The following SLC39A11 variants were observed in gnomAD, a reference collection of about 807,000 sequenced individuals.
SLC39A11 encodes the protein zinc transporter ZIP11.
In SLC39A11, 33 loss-of-function variants were observed where a neutral mutation model predicts 36.1. The observed-to-expected ratio is 0.91, with a 90% CI of 0.69 to 1.22. The LOEUF (loss-of-function observed/expected upper bound fraction) is 1.22. Among genes scored for constraint, SLC39A11 ranks in the 50% most tolerant of loss-of-function variants. SLC39A11 has a pLI of 0.00. For missense variants in SLC39A11, 432 were observed against 430.3 expected, an observed-to-expected ratio of 1.00 and a Z score of -0.03; for synonymous variants, 166 against 170.3, an observed-to-expected ratio of 0.97 and a Z score of 0.20.
intron 4 of SLC39A11, among the ~76,000 whole-genome samples, chr17:72,969,465 C>T (rs1240180453): frequency 6.6e-6 from 1 of 152,104 alleles, no homozygotes; most frequent in East Asian, 1.9e-4. Context: ...CTCCGGAGTT[C>T]AAAACCACTT....
chr17:72,823,237 A>G (rs2077872471), intron 6 of SLC39A11, among the ~76,000 whole-genome samples: 1 of 151,240 alleles, frequency 6.6e-6, no homozygotes, highest in African/African-American at 2.4e-5. Context: ...AGGTCACCCA[A>G]CTTTGACCTT....
intron 5 of SLC39A11, among the ~76,000 whole-genome samples, chr17:72,904,433 C>T (rs2082548321): frequency 6.6e-6 from 1 of 152,120 alleles, no homozygotes; most frequent in East Asian, 1.9e-4. Context: ...GCCACAGACA[C>T]TCTTTGGTGG....
chr17:73,054,770 T>C (rs2059615337), intron 3 of SLC39A11, among the ~76,000 whole-genome samples: 1 of 146,392 alleles, frequency 6.8e-6, no homozygotes, highest in African/African-American at 2.6e-5. Context: ...ATCGTGCCAT[T>C]GCACTCCAGC....
At chr17:72,870,720 C>G (rs1182210329) in intron 5 of SLC39A11, among the ~76,000 whole-genome samples, 1 of 152,212 alleles carries the variant, frequency 6.6e-6, no homozygotes, top group African/African-American at 2.4e-5. Flanking sequence ...CTCAAGCATC[C>G]TTTTGCAGTC....
chr17:73,021,080 A>G (rs1308716041), intron 4 of SLC39A11, among the ~76,000 whole-genome samples: 2 of 151,642 alleles, frequency 1.3e-5, no homozygotes, highest in East Asian at 3.9e-4. Context: ...TTCACTTCTC[A>G]TTTCTTCCCT....
Position 72,963,845 on chromosome 17 carries a change from T to A in SLC39A11, c.307-15970A>T, listed in dbSNP as rs1015182988. On this transcript the variant is annotated intron_variant, in intron 4 of 9. Coordinates refer to ENST00000255559, the MANE Select transcript of SLC39A11 (RefSeq NM_139177.4). ...AGCATTAGGCACAGGAGACGCAATG[T>A]CCAGTAGCCCACCTTTAGGGACCCA... Among the ~76,000 whole-genome samples the A allele has an allele frequency of 9.8e-5, 15 of 152,320 alleles. 1 individual carries two copies. The South Asian group carries it at 2.1e-3, about 21-fold the overall frequency.
intron 6 of SLC39A11, among the ~76,000 whole-genome samples, chr17:72,761,364 C>T (rs777352126): frequency 1.3e-5 from 2 of 152,078 alleles, no homozygotes; most frequent in Non-Finnish European, 2.9e-5. Flanking sequence ...ATCCGCCCCC[C>T]TCGGCCTCCC....
chr17:72,721,387 A>G (rs1261241506), intron 7 of SLC39A11, among the ~76,000 whole-genome samples: 1 of 152,116 alleles, frequency 6.6e-6, no homozygotes, highest in Non-Finnish European at 1.5e-5. Flanking sequence ...AAGAACCACC[A>G]TGTCCGGTCT....
intron 7 of SLC39A11, among the ~76,000 whole-genome samples, chr17:72,665,235 G>C (rs529823955): frequency 9.4e-4 from 143 of 152,170 alleles, no homozygotes; most frequent in African/African-American, 3.3e-3. Context: ...CCCCAGTCAA[G>C]ACTTCAGGTG....
chr17:72,725,568 A>G (rs8071840), intron 7 of SLC39A11: 56,829 of 152,012 alleles, frequency 0.37, 11,636 homozygotes, highest in Middle Eastern at 0.5. Flanking sequence ...AGCCGAACAT[A>G]GATTTGGATA....
At chr17:72,728,687 T>C (rs932712571) in intron 7 of SLC39A11, among the ~76,000 whole-genome samples, 5 of 152,128 alleles carry the variant, frequency 3.3e-5, no homozygotes, top group African/African-American at 1.2e-4. Context: ...CCGCAGACCA[T>C]AGTTTGCCAA....
chr17:73,088,552 G>C (rs1411113709), intron 2 of SLC39A11, 105 bp downstream of exon 2: 1 of 828,626 alleles, frequency 1.2e-6, no homozygotes, highest in Non-Finnish European at 2.0e-6. Flanking sequence ...TGGGGGTGTG[G>C]CCAGGGGCAC....
intron 6 of SLC39A11, among the ~76,000 whole-genome samples, chr17:72,814,331 G>A (rs988203941): frequency 3.7e-4 from 57 of 152,134 alleles, no homozygotes; most frequent in African/African-American, 1.3e-3. Context: ...TGGTGCCCTC[G>A]GCCCCCAGTG....
intron 7 of SLC39A11, among the ~76,000 whole-genome samples, chr17:72,664,625 G>A (rs1456201401): frequency 6.6e-6 from 1 of 152,024 alleles, no homozygotes; most frequent in Non-Finnish European, 1.5e-5. Context: ...TTCCACCTTT[G>A]CCCCTATAAA....
intron 6 of SLC39A11, among the ~76,000 whole-genome samples, chr17:72,847,510 T>C (rs116184669): frequency 0.011 from 1,728 of 151,456 alleles, 29 homozygotes; most frequent in African/African-American, 0.039. Context: ...CTGATGAAAA[T>C]GTTGGGAAAA....
intron 6 of SLC39A11, among the ~76,000 whole-genome samples, chr17:72,803,424 T>G (rs971655465): frequency 6.6e-6 from 1 of 152,220 alleles, no homozygotes; most frequent in Admixed American, 6.5e-5. Flanking sequence ...TTCAAAGGCA[T>G]GAAATGCCAC....
intron 6 of SLC39A11, among the ~76,000 whole-genome samples, chr17:72,823,337 T>A (rs2077876813): frequency 6.6e-6 from 1 of 151,190 alleles, no homozygotes; most frequent in Admixed American, 6.6e-5. Context: ...GGTTCTGAAG[T>A]AAACTGTCTC....
intron 7 of SLC39A11, among the ~76,000 whole-genome samples, chr17:72,711,966 T>C (rs1245951975): frequency 1.3e-5 from 2 of 152,200 alleles, no homozygotes; most frequent in East Asian, 3.9e-4. Flanking sequence ...TTTGAGAAAA[T>C]GCTTCTGTAC....
chr17:72,746,347 G>A (rs1252166661), intron 6 of SLC39A11, among the ~76,000 whole-genome samples: 1 of 152,180 alleles, frequency 6.6e-6, no homozygotes, highest in Non-Finnish European at 1.5e-5. Flanking sequence ...GGTCAGGTGT[G>A]ATGGCTGACA....
Sources: gnomAD v4.1 joint callset for allele counts (sites outside exome capture counted in the v4.1 genomes callset) on GRCh38, gnomAD v4.1.1 for gene constraint, MANE v1.5 for transcripts, NCBI Gene and HGNC (gene_info 2026-07-23, HGNC 2026-07-21) for gene names.